DNM3: variants seen among roughly 807,000 people sequenced by gnomAD.
DNM3 encodes dynamin 3.
In DNM3, 47 loss-of-function variants were observed where a neutral mutation model predicts 101.6. The ratio of observed to expected loss-of-function variants is 0.46; its 90% CI spans 0.37 to 0.59. The LOEUF (loss-of-function observed/expected upper bound fraction) is 0.59. Among genes scored for constraint, DNM3 ranks in the 20% least tolerant of loss-of-function variants. DNM3 has a pLI of 0.00. For missense variants in DNM3, 849 were observed against 1,085.7 expected (o/e 0.78, Z 3.06); for synonymous variants, 385 against 387.9 (o/e 0.99, Z 0.09).
At chr1:172,143,392 G>C (rs1443870311) in intron 14 of DNM3, among the ~76,000 whole-genome samples, 1 of 152,096 alleles carries the variant, frequency 6.6e-6, no homozygotes, top group Non-Finnish European at 1.5e-5. Flanking sequence ...CATTTTTCCA[G>C]AACTTTCTTT....
At chr1:172,382,445 A>C (rs923576535) in intron 18 of DNM3, among the ~76,000 whole-genome samples, 1 of 152,142 alleles carries the variant, frequency 6.6e-6, no homozygotes, top group African/African-American at 2.4e-5. Flanking sequence ...AGCCAACCAC[A>C]TGTTGGATAC....
chr1:172,008,867 AAAT>A (rs2046887961), intron 4 of DNM3, among the ~76,000 whole-genome samples: 1 of 139,454 alleles, frequency 7.2e-6, no homozygotes, highest in Non-Finnish European at 1.5e-5. Flanking sequence ...ATTACTATAT[AAAT>A]AATATTAATA....
At chr1:171,948,991 C>A (rs902439454) in intron 2 of DNM3, among the ~76,000 whole-genome samples, 2 of 151,932 alleles carry the variant, frequency 1.3e-5, no homozygotes, top group African/African-American at 4.8e-5. Context: ...TTATCTGTTA[C>A]AATTTTTTTA....
At chr1:172,383,215 C>T (rs2069009908) in intron 18 of DNM3, among the ~76,000 whole-genome samples, 1 of 152,168 alleles carries the variant, frequency 6.6e-6, no homozygotes, top group Non-Finnish European at 1.5e-5. Context: ...TAACACTCTT[C>T]TGCTTTCTTA....
At chr1:172,289,482 C>G in intron 15 of DNM3, 1 of 796,168 alleles carries the variant, frequency 1.3e-6, no homozygotes, top group Non-Finnish European at 1.5e-6. Flanking sequence ...GTTTTCTCAT[C>G]TTTTATATTA....
chr1:172,313,975 T>G (rs2065195963), intron 16 of DNM3, among the ~76,000 whole-genome samples: 1 of 144,708 alleles, frequency 6.9e-6, no homozygotes, highest in Non-Finnish European at 1.5e-5. Flanking sequence ...GGCCCCAGTG[T>G]GTGATGTTCC....
intron 1 of DNM3, among the ~76,000 whole-genome samples, chr1:171,866,986 T>C (rs1273895506): frequency 6.6e-6 from 1 of 152,218 alleles, no homozygotes; most frequent in East Asian, 1.9e-4. Flanking sequence ...TTAGGTCGTA[T>C]TTTAAAAGTT....
intron 4 of DNM3, among the ~76,000 whole-genome samples, chr1:171,998,957 A>G (rs984332828): frequency 1.3e-5 from 2 of 152,092 alleles, no homozygotes; most frequent in African/African-American, 2.4e-5. Flanking sequence ...TGGTTCTGCA[A>G]TCAGAGAGGT....
At chr1:172,371,988 A>G (rs2068357431) in intron 17 of DNM3, among the ~76,000 whole-genome samples, 1 of 148,976 alleles carries the variant, frequency 6.7e-6, no homozygotes, top group African/African-American at 2.5e-5. Flanking sequence ...ATACGTATAC[A>G]TGTGCCATGC....
intron 14 of DNM3, among the ~76,000 whole-genome samples, chr1:172,236,912 C>T (rs1454355606): frequency 2.6e-5 from 4 of 152,208 alleles, no homozygotes; most frequent in African/African-American, 7.2e-5. Flanking sequence ...GAACCTTTGT[C>T]TACAGTTCTC....
At chr1:172,153,713 T>C (rs1233625773) in intron 14 of DNM3, among the ~76,000 whole-genome samples, 1 of 152,134 alleles carries the variant, frequency 6.6e-6, no homozygotes, top group Non-Finnish European at 1.5e-5. Context: ...AAGATTTTGT[T>C]TCTTCTCCTT....
chr1:171,860,443 A>G (rs77887634), intron 1 of DNM3, among the ~76,000 whole-genome samples: 2,148 of 152,284 alleles, frequency 0.014, 59 homozygotes, highest in African/African-American at 0.047. Context: ...ATGATTTTAT[A>G]TTGATTATTA....
At chr1:171,945,836 T>G (rs900769326) in intron 2 of DNM3, among the ~76,000 whole-genome samples, 2 of 152,156 alleles carry the variant, frequency 1.3e-5, no homozygotes, top group East Asian at 1.9e-4. Flanking sequence ...TCAGGTAAGA[T>G]TCTAAGGATT....
rs116300725 is a variant in DNM3 at position 172,087,721 on chromosome 1, T to C, written c.1494-5103T>C. Among the ~76,000 whole-genome samples, 1,080 of 152,330 alleles carry C rather than the reference T, an allele frequency of 7.1e-3. 18 individuals are homozygous for C. Among genetic ancestry groups the C allele is most frequent in the African/African-American group, 0.024 (1,018 of 41,586 alleles). On this transcript the variant is annotated intron_variant, in intron 12 of 20. Transcript: ENST00000627582. ...TCATTGCCACTACTAAAGTTAGTCT[T>C]CTCTTACTTGAGTTACTACAACAGT...
chr1:172,047,813 G>A (rs2049924054), intron 9 of DNM3, among the ~76,000 whole-genome samples: 1 of 152,138 alleles, frequency 6.6e-6, no homozygotes, highest in Non-Finnish European at 1.5e-5. Context: ...AAGAATAGGT[G>A]GGGAGGGGAG....
chr1:172,198,859 C>T (rs1421451130), intron 14 of DNM3, among the ~76,000 whole-genome samples: 26 of 151,954 alleles, frequency 1.7e-4, no homozygotes, highest in Non-Finnish European at 2.9e-5. Flanking sequence ...AAAAAATCAA[C>T]TCCTGGATTC....
chr1:172,040,928 A>T (rs2049335647), intron 7 of DNM3, among the ~76,000 whole-genome samples: 2 of 152,102 alleles, frequency 1.3e-5, no homozygotes, highest in East Asian at 1.9e-4. Context: ...GGTGAGTTGG[A>T]TGAGTGGTAA....
intron 16 of DNM3, among the ~76,000 whole-genome samples, chr1:172,322,652 A>G (rs536486530): frequency 6.6e-6 from 1 of 152,138 alleles, no homozygotes; most frequent in East Asian, 1.9e-4. Flanking sequence ...GTGTGGACTC[A>G]TGTTTGTTTT....
Position 172,190,027 on chromosome 1 carries a change from TTC to T in DNM3, c.1659+58740_1659+58741del, listed in dbSNP as rs1491551707. Among the ~76,000 whole-genome samples the T allele has an allele frequency of 5.9e-3, 886 of 151,376 alleles. 13 individuals are homozygous for T. The highest frequency in any genetic ancestry group is 0.02 in the African/African-American group (830 of 40,980). On this transcript the variant is annotated intron_variant, in intron 14 of 20. Coordinates refer to ENST00000627582, the MANE Select transcript of DNM3 (RefSeq NM_015569.5). Reference sequence around the variant, plus strand: ...ATCACATTTCTTTTTTTTTTTTTTTTTCACTTTAAGTTCTAGGGTACATGTGC... The same window carrying T: ...ATCACATTTCTTTTTTTTTTTTTTTTACTTTAAGTTCTAGGGTACATGTGC...
Sources: allele counts gnomAD v4.1 joint callset (sites outside exome capture counted in the v4.1 genomes callset), GRCh38; gene constraint gnomAD v4.1.1; transcripts MANE v1.5; gene names NCBI Gene and HGNC (gene_info 2026-07-23, HGNC 2026-07-21).